Variants in RORA observed in about 807,000 individuals in gnomAD.
The protein encoded by RORA is RAR related orphan receptor A, also known as nuclear receptor ROR-alpha.
In RORA, 7 loss-of-function variants were observed where a neutral mutation model predicts 69.5. The ratio of observed to expected loss-of-function variants is 0.10; its 90% CI spans 0.06 to 0.19. RORA has a LOEUF of 0.19. Among genes scored for constraint, RORA ranks in the 10% least tolerant of loss-of-function variants. The pLI, the probability that RORA is intolerant of heterozygous loss-of-function variation, is 1.00. For missense variants in RORA, 457 were observed against 663.0 expected (o/e 0.69, Z 3.41); for synonymous variants, 261 against 240.8 (o/e 1.08, Z -0.78).
chr15:60,678,753 A>G, intron 1 of RORA, 67 bp from the exon 2 acceptor site: 1 of 1,351,790 alleles, frequency 7.4e-7, no homozygotes, highest in South Asian at 1.2e-5. Context: ...AATGTCCGTC[A>G]TTCCCAGTGT....
chr15:61,144,875 AAAG>A lies in RORA; in HGVS notation c.166+84175_166+84177del, dbSNP rs543536687. ...CTTTGGGGGAGTATGTCTGGAAGTG[AAAG>A]AAGGATAGGAAACTATAAGTTTCGC... On this transcript the variant is annotated intron_variant, in intron 1 of 10. Coordinates refer to ENST00000335670, the MANE Select transcript of RORA (RefSeq NM_134261.3). Among the ~76,000 whole-genome samples the A allele has an allele frequency of 2.1e-4, 32 of 152,330 alleles. No homozygotes were observed. The East Asian group carries it at 6.2e-3, about 29-fold the overall frequency.
chr15:60,934,898 T>G (rs1892477110), intron 1 of RORA, among the ~76,000 whole-genome samples: 1 of 152,252 alleles, frequency 6.6e-6, no homozygotes, highest in South Asian at 2.1e-4. Context: ...CTGCACTGCC[T>G]GTTCCTTGCC....
intron 2 of RORA, among the ~76,000 whole-genome samples, chr15:60,648,786 C>T (rs1297824604): frequency 6.6e-6 from 1 of 152,178 alleles, no homozygotes; most frequent in East Asian, 1.9e-4. Context: ...CCTCTTAATT[C>T]TAAGCACCAT....
intron 1 of RORA, among the ~76,000 whole-genome samples, chr15:61,089,282 A>G (rs2078670610): frequency 6.6e-6 from 1 of 152,188 alleles, no homozygotes; most frequent in South Asian, 2.1e-4. Context: ...ATAAGTGGCC[A>G]CCCTTCCTCA....
chr15:60,661,017 G>A (rs1462944040), intron 2 of RORA, among the ~76,000 whole-genome samples: 1 of 149,068 alleles, frequency 6.7e-6, no homozygotes, highest in Non-Finnish European at 1.5e-5. Flanking sequence ...TAATAAGGGC[G>A]TGTAATTGAC....
At chr15:60,936,192 T>G (rs1034051016) in intron 1 of RORA, among the ~76,000 whole-genome samples, 1 of 152,224 alleles carries the variant, frequency 6.6e-6, no homozygotes, top group African/African-American at 2.4e-5. Context: ...TCTATGGCCC[T>G]GGGGGAAGCC....
Position 60,886,294 on chromosome 15 carries a change from C to T in RORA, c.167-207608G>A, listed in dbSNP as rs547833670. Among the ~76,000 whole-genome samples, 10 of 152,218 alleles carry T rather than the reference C, an allele frequency of 6.6e-5. No homozygotes were observed. The South Asian group carries it at 1.9e-3, about 28-fold the overall frequency. On this transcript the variant is annotated intron_variant, in intron 1 of 10. Coordinates refer to ENST00000335670, the MANE Select transcript of RORA (RefSeq NM_134261.3). ...TAAAAATAAGAAGAAGGTTCTAACT[C>T]GGGATTTCATTGAAGTGACTGGACA...
chr15:61,049,602 C>T (rs982856592), intron 1 of RORA, among the ~76,000 whole-genome samples: 1 of 152,158 alleles, frequency 6.6e-6, no homozygotes, highest in African/African-American at 2.4e-5. Context: ...ATATTCCACA[C>T]TTACGGAAGT....
intron 1 of RORA, among the ~76,000 whole-genome samples, chr15:60,768,207 G>A (rs533178603): frequency 1.3e-5 from 2 of 152,326 alleles, no homozygotes; most frequent in South Asian, 4.1e-4. Flanking sequence ...TCTTTTGCCA[G>A]ATGGCAATGC....
chr15:61,133,263 G>A (rs987632161), intron 1 of RORA, among the ~76,000 whole-genome samples: 1 of 152,164 alleles, frequency 6.6e-6, no homozygotes, highest in African/African-American at 2.4e-5. Flanking sequence ...CCCTGTGGGG[G>A]TGTAAAGAGA....
intron 1 of RORA, among the ~76,000 whole-genome samples, chr15:61,134,207 A>C (rs61225027): frequency 6.6e-6 from 1 of 152,322 alleles, no homozygotes; most frequent in East Asian, 1.9e-4. Flanking sequence ...TGGCCAAGCC[A>C]GCCTGAAAGT....
intron 2 of RORA, among the ~76,000 whole-genome samples, chr15:60,580,267 T>G (rs2068153806): frequency 6.6e-6 from 1 of 152,172 alleles, no homozygotes; most frequent in Non-Finnish European, 1.5e-5. Context: ...CAGGTCTAAA[T>G]TTCATTATGT....
At chr15:61,022,648 A>G (rs1290263225) in intron 1 of RORA, among the ~76,000 whole-genome samples, 1 of 152,138 alleles carries the variant, frequency 6.6e-6, no homozygotes, top group African/African-American at 2.4e-5. Flanking sequence ...GTGCTTTCTT[A>G]TTTCAAAAGT....
At position 61,229,105 on chromosome 15, in the gene RORA, C is replaced by A; in HGVS notation, c.114G>T (p.Lys38Asn). The A allele has an allele frequency of 6.5e-7, 1 of 1,540,224 alleles. No homozygotes were observed. Among genetic ancestry groups the A allele is most frequent in the Non-Finnish European group, 8.7e-7 (1 of 1,143,754 alleles). The change falls in exon 1 of 11, where the codon AAG (lysine) becomes AAT (asparagine). Residue 38 changes from lysine to asparagine, a missense_variant. Around this residue, in one of 3 missense-constraint regions of RORA, gnomAD observed 119 missense variants for 92.4 expected, o/e 1.29. Transcript: ENST00000335670. ...ETPLNQESAR[K>N]SEPPAPVRRQ... ...TGCGCACCGGGGCAGGCGGCTCGCT[C>A]TTGCGGGCGGATTCCTGGTTCAGCG...
chr15:60,853,519 G>A (rs1484788751), intron 1 of RORA, among the ~76,000 whole-genome samples: 4 of 152,182 alleles, frequency 2.6e-5, no homozygotes, highest in African/African-American at 9.7e-5. Context: ...CGTAACAAAT[G>A]GCTATACCAC....
intron 2 of RORA, among the ~76,000 whole-genome samples, chr15:60,554,148 T>C (rs1237816871): frequency 1.3e-5 from 2 of 152,220 alleles, no homozygotes; most frequent in East Asian, 3.8e-4. Context: ...TGTGAAGTTA[T>C]TTCCCATTGA....
intron 1 of RORA, among the ~76,000 whole-genome samples, chr15:61,191,064 T>C (rs1043544858): frequency 6.6e-6 from 1 of 151,798 alleles, no homozygotes; most frequent in African/African-American, 2.4e-5. Flanking sequence ...CACATTTCCA[T>C]GTGGGAAGCA....
chr15:60,651,192 T>C (rs1436876383), intron 2 of RORA, among the ~76,000 whole-genome samples: 2 of 152,198 alleles, frequency 1.3e-5, no homozygotes, highest in South Asian at 2.1e-4. Context: ...TGGAAACATA[T>C]GGAAGTTTTC....
chr15:61,064,043 G>T lies in RORA; in HGVS notation c.166+165010C>A, dbSNP rs924132721. On this transcript the variant is annotated intron_variant, in intron 1 of 10. Transcript: ENST00000335670. ...TGGATAATGTATCAAGCCCATACCAGCCACAACATTCCAGAGTCAACCTCG... is the reference window on the plus strand; with the variant it reads ...TGGATAATGTATCAAGCCCATACCATCCACAACATTCCAGAGTCAACCTCG... Among the ~76,000 whole-genome samples, 6 of 152,288 alleles carry T rather than the reference G, an allele frequency of 3.9e-5. 2 individuals carry two copies.
Sources: gnomAD v4.1 joint callset for allele counts (sites outside exome capture counted in the v4.1 genomes callset) on GRCh38, gnomAD v4.1.1 for gene constraint, gnomAD v4.1.1 regional missense constraint, MANE v1.5 for transcripts, NCBI Gene and HGNC (gene_info 2026-07-23, HGNC 2026-07-21) for gene names.